RASAL2: variants seen among roughly 807,000 people sequenced by gnomAD.
The protein encoded by RASAL2 is RAS protein activator like 2.
Under a neutral mutation model 128.9 loss-of-function variants are expected in RASAL2, and 58 were observed. That is an observed-to-expected ratio of 0.45 (90% CI 0.36 to 0.56). The LOEUF is 0.56. Among genes scored for constraint, RASAL2 ranks in the 20% least tolerant of loss-of-function variants. The pLI, the probability that RASAL2 is intolerant of heterozygous loss-of-function variation, is 0.00. For synonymous variants in RASAL2, 561 were observed against 580.8 expected (o/e 0.97, Z 0.49); for missense variants, 1,360 against 1,601.6 (o/e 0.85, Z 2.57).
chr1:178,409,005 C>G (rs1674180395), intron 4 of RASAL2, among the ~76,000 whole-genome samples: 1 of 152,062 alleles, frequency 6.6e-6, no homozygotes, highest in Admixed American at 6.6e-5. Flanking sequence ...ACAGCCTTAA[C>G]AGGAAGCATG....
chr1:178,227,485 C>T (rs1031688070), intron 1 of RASAL2, among the ~76,000 whole-genome samples: 1 of 152,204 alleles, frequency 6.6e-6, no homozygotes, highest in Admixed American at 6.5e-5. Flanking sequence ...AATCCCCTTA[C>T]TACACACTTC....
intron 3 of RASAL2, among the ~76,000 whole-genome samples, chr1:178,363,392 G>A (rs993310455): frequency 6.6e-6 from 1 of 151,952 alleles, no homozygotes; most frequent in Non-Finnish European, 1.5e-5. Flanking sequence ...ATATATTTTT[G>A]ATATTAACCC....
intron 1 of RASAL2, among the ~76,000 whole-genome samples, chr1:178,112,997 T>C (rs79489207): frequency 0.035 from 5,357 of 152,338 alleles, 282 homozygotes; most frequent in African/African-American, 0.12. Flanking sequence ...GAAAGTTTTA[T>C]AGTTTTTGTC....
chr1:178,225,616 AC>A (rs1663758390), intron 1 of RASAL2, among the ~76,000 whole-genome samples: 1 of 152,026 alleles, frequency 6.6e-6, no homozygotes, highest in African/African-American at 2.4e-5. Flanking sequence ...ACAAGTAATC[AC>A]TGTTATAAAA....
rs1396144043 is a variant in RASAL2 at position 178,473,191 on chromosome 1, C to G, written c.3795C>G (p.Thr1265=). The G allele has an allele frequency of 2.5e-6, 4 of 1,614,076 alleles. No homozygotes were observed. Among genetic ancestry groups the G allele is most frequent in the Non-Finnish European group, 3.4e-6 (4 of 1,180,048 alleles). ...ATGGCATCTCCCCCACCAACCCCAC[C>G]AAGCTTTCCATCACGGAGAATGGTG... The part of the protein sequence containing the change: ...VRNGISPTNP[T]KLSITENGEF... Residue 1265 remains threonine (T), a synonymous_variant, in exon 18 of 18, where the codon ACC becomes ACG. Transcript: ENST00000367649.
chr1:178,255,032 G>T (rs575457611), intron 1 of RASAL2, among the ~76,000 whole-genome samples: 2 of 151,630 alleles, frequency 1.3e-5, no homozygotes, highest in Admixed American at 6.6e-5. Context: ...AAAGTACTCC[G>T]GAAAAAATCC....
chr1:178,283,811 T>C (rs1666898769), intron 2 of RASAL2, 120 bp downstream of exon 2: 7 of 1,225,324 alleles, frequency 5.7e-6, no homozygotes, highest in East Asian at 2.5e-5. Flanking sequence ...GATGAAGATA[T>C]AGGTAAGTCT....
chr1:178,304,679 G>A (rs1667913361), intron 3 of RASAL2, among the ~76,000 whole-genome samples: 1 of 152,170 alleles, frequency 6.6e-6, no homozygotes, highest in African/African-American at 2.4e-5. Flanking sequence ...AGCAAATGGA[G>A]ACAATTCTTC....
chr1:178,151,056 A>G (rs900403497), intron 1 of RASAL2, among the ~76,000 whole-genome samples: 4 of 152,182 alleles, frequency 2.6e-5, no homozygotes, highest in African/African-American at 7.2e-5. Context: ...AATAAGCTTT[A>G]TTTAGACTGT....
At chr1:178,231,793 TC>T (rs1369865632) in intron 1 of RASAL2, among the ~76,000 whole-genome samples, 6 of 152,342 alleles carry the variant, frequency 3.9e-5, no homozygotes, top group Admixed American at 6.5e-5. Flanking sequence ...TTCTAGGTTT[TC>T]TTTTAAATAA....
At chr1:178,103,872 G>A (rs1036904626) in intron 1 of RASAL2, among the ~76,000 whole-genome samples, 2 of 151,894 alleles carry the variant, frequency 1.3e-5, no homozygotes, top group African/African-American at 2.4e-5. Flanking sequence ...TGAATGTATC[G>A]GATTTTTCTT....
intron 4 of RASAL2, among the ~76,000 whole-genome samples, chr1:178,402,602 A>T (rs933206958): frequency 3.9e-5 from 6 of 152,174 alleles, no homozygotes; most frequent in African/African-American, 1.2e-4. Flanking sequence ...CCTTCATTTT[A>T]TCCTTAGGAA....
At chr1:178,378,639 A>G (rs1269989882) in intron 3 of RASAL2, among the ~76,000 whole-genome samples, 10 of 152,174 alleles carry the variant, frequency 6.6e-5, no homozygotes, top group Non-Finnish European at 1.0e-4. Context: ...AATTTACTGT[A>G]AAAACCTTTA....
intron 2 of RASAL2, among the ~76,000 whole-genome samples, chr1:178,283,994 G>T (rs925114434): frequency 6.6e-6 from 1 of 152,136 alleles, no homozygotes; most frequent in East Asian, 1.9e-4. Context: ...ATCTCGAGGG[G>T]CCATTGGGAA....
In RASAL2 at chr1:178,390,211, G is replaced by C. The variant is rs1672817177; in HGVS notation, c.564+5G>C. ...ACCTCACCCTTCAAAGTACCAGTAA[G>C]TGTTTATCTTCTTTATAAGAATATT... On this transcript the variant is annotated splice_donor_5th_base_variant and intron_variant, in intron 4 of 17. Coordinates refer to ENST00000367649, the MANE Select transcript of RASAL2 (RefSeq NM_170692.4). The C allele has an allele frequency of 6.3e-7, 1 of 1,584,536 alleles. No homozygotes were observed. The highest frequency in any genetic ancestry group is 8.6e-7 in the Non-Finnish European group (1 of 1,156,460).
chr1:178,370,841 A>C (rs575521278), intron 3 of RASAL2, among the ~76,000 whole-genome samples: 1 of 152,304 alleles, frequency 6.6e-6, no homozygotes, highest in East Asian at 1.9e-4. Flanking sequence ...AAAATAAATA[A>C]GACTGAAGTA....
intron 2 of RASAL2, among the ~76,000 whole-genome samples, chr1:178,299,288 G>A (rs534945663): frequency 2.2e-4 from 33 of 152,262 alleles, no homozygotes; most frequent in African/African-American, 5.8e-4. Flanking sequence ...ATTTTGAGGC[G>A]AAGTCTTTCT....
At chr1:178,191,063 C>G (rs1012008276) in intron 1 of RASAL2, among the ~76,000 whole-genome samples, 1 of 152,124 alleles carries the variant, frequency 6.6e-6, no homozygotes, top group African/African-American at 2.4e-5. Flanking sequence ...GTTCACTCCA[C>G]TGAGAGATAC....
intron 11 of RASAL2, among the ~76,000 whole-genome samples, chr1:178,453,961 G>T (rs1440580138): frequency 1.3e-5 from 2 of 151,880 alleles, no homozygotes; most frequent in East Asian, 3.8e-4. Context: ...ATTTTATTTT[G>T]GAACAGGTTT....
Sources: allele counts gnomAD v4.1 joint callset (sites outside exome capture counted in the v4.1 genomes callset), GRCh38; gene constraint gnomAD v4.1.1; transcripts MANE v1.5; gene names NCBI Gene and HGNC (gene_info 2026-07-23, HGNC 2026-07-21).